The following MACROD2 variants were observed in gnomAD, a reference collection of about 807,000 sequenced individuals.
The protein encoded by MACROD2 is mono-ADP ribosylhydrolase 2, also known as ADP-ribose glycohydrolase MACROD2.
In MACROD2, 36 loss-of-function variants were observed where a neutral mutation model predicts 70.4. That is an observed-to-expected ratio of 0.51 (90% CI 0.39 to 0.68). MACROD2 has a LOEUF of 0.68. Ranked by LOEUF, MACROD2 falls within the 30% of genes least tolerant of loss-of-function variation. The pLI is 0.00. For synonymous variants in MACROD2, 172 were observed against 178.8 expected (o/e 0.96, Z 0.30); for missense variants, 496 against 538.4 (o/e 0.92, Z 0.78).
chr20:14,862,694 TATATAA>T (rs1229361304), intron 5 of MACROD2, among the ~76,000 whole-genome samples: 7 of 76,980 alleles, frequency 9.1e-5, no homozygotes, highest in Non-Finnish European at 1.2e-4. Context: ...TATATAAATA[TATATAA>T]ATATATATAT....
At chr20:14,209,052 G>C (rs1311769418) in intron 3 of MACROD2, among the ~76,000 whole-genome samples, 1 of 152,204 alleles carries the variant, frequency 6.6e-6, no homozygotes, top group Non-Finnish European at 1.5e-5. Context: ...GAGGAATTGA[G>C]TAAGGATTAT....
chr20:14,085,600 T>A (rs1247356291), intron 2 of MACROD2, 21 bp from the exon 3 acceptor site: 1 of 1,308,136 alleles, frequency 7.6e-7, no homozygotes, highest in East Asian at 2.5e-5. Context: ...ATTATTGATA[T>A]ATATCCATTT....
intron 6 of MACROD2, among the ~76,000 whole-genome samples, chr20:15,365,276 G>A (rs2045392505): frequency 6.6e-6 from 1 of 151,700 alleles, no homozygotes; most frequent in East Asian, 1.9e-4. Context: ...TAAAGATGGT[G>A]TAATAAGGAA....
intron 3 of MACROD2, among the ~76,000 whole-genome samples, chr20:14,345,497 A>G (rs920849985): frequency 6.6e-6 from 1 of 151,534 alleles, no homozygotes; most frequent in African/African-American, 2.4e-5. Context: ...TTTCTTGGTT[A>G]TTTTTATTTG....
chr20:15,342,760 G>A (rs1176306914), intron 6 of MACROD2, among the ~76,000 whole-genome samples: 1 of 152,148 alleles, frequency 6.6e-6, no homozygotes, highest in Admixed American at 6.5e-5. Flanking sequence ...TGAAAGTGGG[G>A]AGGGGAGTTT....
intron 4 of MACROD2, among the ~76,000 whole-genome samples, chr20:14,663,468 C>T (rs1288360265): frequency 4.0e-5 from 6 of 151,130 alleles, no homozygotes; most frequent in Non-Finnish European, 8.8e-5. Context: ...CACATGTACC[C>T]CTGAACTTAA....
intron 12 of MACROD2, among the ~76,000 whole-genome samples, chr20:15,941,491 T>C (rs2065750271): frequency 1.3e-5 from 1 of 79,518 alleles, no homozygotes; most frequent in Non-Finnish European, 3.3e-5. Flanking sequence ...GATACCTAGC[T>C]TAGAAAAAAA....
In MACROD2 at chr20:14,142,484, T is replaced by C. The variant is rs577617058; in HGVS notation, c.271+56756T>C. 3.9e-5 allele frequency among the ~76,000 whole-genome samples: 6 copies of C among 152,342 alleles called. No homozygotes were observed. In the South Asian group the frequency reaches 1.2e-3, roughly 32 times the overall value. ...CATCCTTTCCTGCTCATTTGTGTCC[T>C]CGTGTAAATGAAGGAGCTAGCATGT... On this transcript the variant is annotated intron_variant, in intron 3 of 17. Transcript: ENST00000684519.
At chr20:14,361,506 T>G (rs1198639193) in intron 3 of MACROD2, among the ~76,000 whole-genome samples, 1 of 152,158 alleles carries the variant, frequency 6.6e-6, no homozygotes. Context: ...GAATTAAACT[T>G]TAATGAATTG....
intron 5 of MACROD2, among the ~76,000 whole-genome samples, chr20:14,794,681 A>G (rs1410072315): frequency 1.3e-5 from 2 of 152,120 alleles, no homozygotes; most frequent in Admixed American, 6.5e-5. Flanking sequence ...AATTAATTCT[A>G]ATATTCAAAT....
chr20:15,771,737 A>T (rs1170534780), intron 8 of MACROD2, among the ~76,000 whole-genome samples: 1 of 151,472 alleles, frequency 6.6e-6, no homozygotes, highest in African/African-American at 2.4e-5. Context: ...TTGACTAGAA[A>T]CCTCTCTTGT....
chr20:14,992,588 AG>A (rs928205880), intron 5 of MACROD2, among the ~76,000 whole-genome samples: 2 of 152,172 alleles, frequency 1.3e-5, no homozygotes, highest in Non-Finnish European at 2.9e-5. Context: ...AAGATGTAAA[AG>A]AATTTACACA....
intron 3 of MACROD2, among the ~76,000 whole-genome samples, chr20:14,200,716 G>A (rs1012787244): frequency 1.3e-5 from 2 of 152,098 alleles, no homozygotes; most frequent in Non-Finnish European, 2.9e-5. Flanking sequence ...GCACAGTTTG[G>A]TAAATCATTG....
intron 13 of MACROD2, 132 bp downstream of exon 13, chr20:15,967,762 A>C (rs117333711): frequency 7.5e-6 from 5 of 665,382 alleles, no homozygotes; most frequent in Non-Finnish European, 1.2e-5. Flanking sequence ...ATTAGCACTG[A>C]ATACCAGTTG....
At chr20:14,649,458 G>A (rs1428906782) in intron 4 of MACROD2, among the ~76,000 whole-genome samples, 5 of 152,162 alleles carry the variant, frequency 3.3e-5, no homozygotes, top group Non-Finnish European at 7.4e-5. Flanking sequence ...TCTGGACTAA[G>A]TCATGACCAC....
intron 5 of MACROD2, among the ~76,000 whole-genome samples, chr20:15,016,966 G>A (rs2075126502): frequency 6.6e-6 from 1 of 151,996 alleles, no homozygotes; most frequent in South Asian, 2.1e-4. Context: ...ATTCTGGTGG[G>A]GTCACAGCCA....
chr20:14,579,127 CTTTTTTTTTTTTT>C (rs71190141), intron 4 of MACROD2, among the ~76,000 whole-genome samples: 4 of 74,352 alleles, frequency 5.4e-5, no homozygotes, highest in South Asian at 6.6e-4. Flanking sequence ...GTATCCAATT[CTTTTTTTTTTTTT>C]TTTTTTTTTT....
At chr20:14,020,919 A>G (rs947775666) in intron 2 of MACROD2, among the ~76,000 whole-genome samples, 3 of 151,544 alleles carry the variant, frequency 2.0e-5, no homozygotes, top group Non-Finnish European at 4.4e-5. Context: ...TTTTCTGAGC[A>G]TGAATCTTGC....
chr20:15,303,450 C>T (rs1568707150), intron 6 of MACROD2, among the ~76,000 whole-genome samples: 1 of 152,086 alleles, frequency 6.6e-6, no homozygotes, highest in South Asian at 2.1e-4. Flanking sequence ...GCCGCCTTGC[C>T]CTAGACGTTC....
Sources: allele counts gnomAD v4.1 joint callset (sites outside exome capture counted in the v4.1 genomes callset), GRCh38; gene constraint gnomAD v4.1.1; transcripts MANE v1.5; gene names NCBI Gene and HGNC (gene_info 2026-07-23, HGNC 2026-07-21).